DIP2A: variants seen among roughly 807,000 people sequenced by gnomAD.
DIP2A encodes the protein disco-interacting protein 2 homolog A.
Under a neutral mutation model 177.4 loss-of-function variants are expected in DIP2A, and 85 were observed. The ratio of observed to expected loss-of-function variants is 0.48; its 90% CI spans 0.40 to 0.57. DIP2A has a LOEUF of 0.57. Among genes scored for constraint, DIP2A ranks in the 20% least tolerant of loss-of-function variants. DIP2A has a pLI of 0.00. For synonymous variants in DIP2A, 886 were observed against 881.8 expected, an observed-to-expected ratio of 1.00 and a Z score of -0.08; for missense variants, 1,791 against 2,100.2, an observed-to-expected ratio of 0.85 and a Z score of 2.88.
Position 46,568,284 on chromosome 21 carries a change from G to A in DIP2A, c.*662G>A, listed in dbSNP as rs1015108021. Reference sequence around the variant, plus strand: ...ACCTGTAATCCCAGCACTTTGGGAGGCCGAGGCGAGCAGATCACGAGGTCA... The same window carrying A: ...ACCTGTAATCCCAGCACTTTGGGAGACCGAGGCGAGCAGATCACGAGGTCA... On this transcript the variant is annotated 3_prime_UTR_variant, in exon 38 of 38. Coordinates refer to ENST00000417564, the MANE Select transcript of DIP2A (RefSeq NM_015151.4). 2.6e-5 allele frequency: 4 copies of A among 152,306 alleles called. No homozygotes were observed. Among genetic ancestry groups the A allele is most frequent in the African/African-American group, 4.8e-5 (2 of 41,428 alleles). 9.4% of individuals were successfully genotyped at this position (152,306 alleles called of 1,614,324 possible). A position where few individuals can be genotyped will look rare whatever the true frequency, so the allele number is the denominator to read the frequency against.
chr21:46,550,608 C>G lies in DIP2A; in HGVS notation c.2703C>G (p.Pro901=), dbSNP rs1192705220. The G allele has an allele frequency of 1.2e-6, 2 of 1,613,850 alleles. No individual in the cohort carries two copies. The highest frequency in any genetic ancestry group is 2.2e-5 in the South Asian group (2 of 91,032). ...CCCTGGTTCCTGCCAACACCTTGCCCAAGGCTCCTCTCGGAGGGATTCACA... is the reference window on the plus strand; with the variant it reads ...CCCTGGTTCCTGCCAACACCTTGCCGAAGGCTCCTCTCGGAGGGATTCACA... ...CLALVPANTL[P]KAPLGGIHIS... is the part of the protein sequence containing the mutation. Residue 901 remains proline (P), a synonymous_variant, in exon 23 of 38, where the codon CCC becomes CCG. Transcript: ENST00000417564.
intron 3 of DIP2A, 89 bp from the exon 4 acceptor site, chr21:46,496,899 A>G: frequency 7.3e-7 from 1 of 1,374,564 alleles, no homozygotes; most frequent in Non-Finnish European, 9.7e-7. Flanking sequence ...TTTTACCCCC[A>G]CTGAAAACAA....
chr21:46,575,059 T>C, the DIP2A span, among the ~76,000 whole-genome samples: 1 of 152,074 alleles, frequency 6.6e-6, no homozygotes, highest in South Asian at 2.1e-4. Flanking sequence ...TTCAGCAGCA[T>C]ATTAAAAACA....
intron 6 of DIP2A, among the ~76,000 whole-genome samples, chr21:46,504,711 G>T (rs968881676): frequency 6.6e-6 from 1 of 152,244 alleles, no homozygotes; most frequent in Non-Finnish European, 1.5e-5. Flanking sequence ...GGGAAACGAG[G>T]AGAGTGGGGA....
Position 46,569,124 on chromosome 21 carries a change from T to C in DIP2A, c.*1502T>C, listed in dbSNP as rs905046605. The C allele has an allele frequency of 2.0e-5, 3 of 152,160 alleles. No individual in the cohort carries two copies. The highest frequency in any genetic ancestry group is 1.3e-4 in the Admixed American group (2 of 15,264). The allele number at this position is 152,160 out of a possible 1,614,324, so 9.4% of individuals were successfully genotyped here. A position where few individuals can be genotyped will look rare whatever the true frequency, so the allele number is the denominator to read the frequency against. ...GAGTATGTTACGAAATTGTTGGGTT[T>C]TTGGGGTATTGAGGGTGGCAAATTT... On this transcript the variant is annotated 3_prime_UTR_variant, in exon 38 of 38. Coordinates refer to ENST00000417564, the MANE Select transcript of DIP2A (RefSeq NM_015151.4).
At position 46,458,936 on chromosome 21, in the gene DIP2A, CGCGGCGGA is replaced by C; in HGVS notation, c.-193_-186del. The stretch of plus-strand genomic sequence containing the variant: ...TCAGGAGCGCGCGGGGCAGCGGCGG[CGCGGCGGA>C]GCCATCCGCGCTCGTGCCCGCGCGG... On this transcript the variant is annotated 5_prime_UTR_variant, in exon 1 of 38. Coordinates refer to ENST00000417564, the MANE Select transcript of DIP2A (RefSeq NM_015151.4). 3.1e-6 allele frequency: 1 copy of C among 319,596 alleles called. No homozygotes were observed. 19.8% of individuals were successfully genotyped at this position (319,596 alleles called of 1,614,324 possible).
At chr21:46,492,630 T>G (rs983836997) in intron 3 of DIP2A, among the ~76,000 whole-genome samples, 1 of 152,152 alleles carries the variant, frequency 6.6e-6, no homozygotes, top group East Asian at 1.9e-4. Flanking sequence ...GATGAGATCA[T>G]GAGGGTGGGG....
chr21:46,545,701 G>A (rs916861494), intron 19 of DIP2A, among the ~76,000 whole-genome samples, 180 bp from the exon 20 acceptor site: 3 of 152,228 alleles, frequency 2.0e-5, no homozygotes, highest in Admixed American at 6.5e-5. Context: ...GCCTCAGGAG[G>A]CCTGCCCAGG....
chr21:46,505,798 T>C (rs1382205667), intron 6 of DIP2A, among the ~76,000 whole-genome samples: 1 of 152,214 alleles, frequency 6.6e-6, no homozygotes, highest in Non-Finnish European at 1.5e-5. Context: ...TTGCATTTTC[T>C]AGAATTTTAT....
intron 35 of DIP2A, among the ~76,000 whole-genome samples, chr21:46,565,061 G>C (rs2839330): frequency 0.13 from 19,910 of 152,274 alleles, 1,848 homozygotes; most frequent in African/African-American, 0.26. Context: ...CGAACTGACC[G>C]TGGGTTCTGG....
At chr21:46,546,523 G>A (rs2060047301) in intron 20 of DIP2A, among the ~76,000 whole-genome samples, 1 of 152,194 alleles carries the variant, frequency 6.6e-6, no homozygotes, top group African/African-American at 2.4e-5. Context: ...AAGGTCCCTG[G>A]TGCCGGGTTT....
chr21:46,580,857 T>C, the DIP2A span, among the ~76,000 whole-genome samples: 1 of 152,234 alleles, frequency 6.6e-6, no homozygotes, highest in South Asian at 2.1e-4. Context: ...CTGGCCTTTC[T>C]CTCTGGCTGC....
chr21:46,578,986 A>G, the DIP2A span, among the ~76,000 whole-genome samples: 1 of 152,296 alleles, frequency 6.6e-6, no homozygotes, highest in Non-Finnish European at 1.5e-5. Context: ...TGAGTTAGGG[A>G]GGATTCCCTC....
At chr21:46,473,139 G>C (rs1486582669) in intron 1 of DIP2A, among the ~76,000 whole-genome samples, 1 of 152,150 alleles carries the variant, frequency 6.6e-6, no homozygotes, top group Non-Finnish European at 1.5e-5. Context: ...TCCTACCACT[G>C]CTCTCGACAA....
rs543108553 is a variant in DIP2A, at chr21:46,538,736, C to T, written c.1921+134C>T. 20 of 1,301,246 alleles carry T rather than the reference C, an allele frequency of 1.5e-5. No individual in the cohort carries two copies. In the East Asian group the frequency reaches 4.9e-4, roughly 32 times the overall value. 80.6% of individuals were successfully genotyped at this position (1,301,246 alleles called of 1,614,324 possible). A position where few individuals can be genotyped will look rare whatever the true frequency, so the allele number is the denominator to read the frequency against. ...TATAGATACACATGTCCCATCGTTT[C>T]TATGACACGGAACATCTTGGTGATT... On this transcript the variant is annotated intron_variant, in intron 16 of 37. Transcript: ENST00000417564.
In DIP2A at chr21:46,458,961, C is replaced by T. The variant is rs985549388; in HGVS notation, c.-171C>T. 2.7e-4 allele frequency: 114 copies of T among 419,868 alleles called. No homozygotes were observed. The highest frequency in any genetic ancestry group is 8.7e-4 in the African/African-American group (42 of 48,104). 26.0% of individuals were successfully genotyped at this position (419,868 alleles called of 1,614,324 possible). ...CGCGGCGGAGCCATCCGCGCTCGTGCCCGCGCGGGTGCGTTGCTGTCCTGG... is the reference window on the plus strand; with the variant it reads ...CGCGGCGGAGCCATCCGCGCTCGTGTCCGCGCGGGTGCGTTGCTGTCCTGG... On this transcript the variant is annotated 5_prime_UTR_variant, in exon 1 of 38. Transcript: ENST00000417564.
chr21:46,533,212 T>G (rs2059424143), intron 10 of DIP2A, among the ~76,000 whole-genome samples: 1 of 152,218 alleles, frequency 6.6e-6, no homozygotes. Flanking sequence ...TGCCATTAAC[T>G]TTGGAGTTTA....
the DIP2A span, among the ~76,000 whole-genome samples, chr21:46,575,060 A>G: frequency 1.7e-4 from 26 of 152,266 alleles, 1 homozygote; most frequent in African/African-American, 5.8e-4. Flanking sequence ...TCAGCAGCAT[A>G]TTAAAAACAC....
Position 46,557,225 on chromosome 21 carries a change from C to A in DIP2A, c.3629+156C>A. The A allele has an allele frequency of 1.2e-6, 1 of 815,044 alleles. No individual in the cohort carries two copies. The highest frequency in any genetic ancestry group is 1.9e-6 in the Non-Finnish European group (1 of 538,004). The allele number at this position is 815,044 out of a possible 1,614,324, so 50.5% of individuals were successfully genotyped here. A position where few individuals can be genotyped will look rare whatever the true frequency, so the allele number is the denominator to read the frequency against. On this transcript the variant is annotated intron_variant, in intron 30 of 37. Coordinates refer to ENST00000417564, the MANE Select transcript of DIP2A (RefSeq NM_015151.4). This position sits in a 1 kb window ranked among gnomAD's most constrained non-coding sequence, Gnocchi z 6.0. Reference sequence around the variant, plus strand: ...GGATGAAGTGGGTTGGAGTCTGAGTCTGAAATTGAGTGAAAATACATTTTT... The same window carrying A: ...GGATGAAGTGGGTTGGAGTCTGAGTATGAAATTGAGTGAAAATACATTTTT...
Sources: gnomAD v4.1 joint callset for allele counts (sites outside exome capture counted in the v4.1 genomes callset) on GRCh38, gnomAD v4.1.1 for gene constraint, Gnocchi (gnomAD v3.1) non-coding constraint, MANE v1.5 for transcripts, NCBI Gene and HGNC (gene_info 2026-07-23, HGNC 2026-07-21) for gene names.